Variants in VRK2 observed in about 807,000 individuals in gnomAD.
VRK2 encodes the protein serine/threonine-protein kinase VRK2.
In VRK2, 60 loss-of-function variants were observed where a neutral mutation model predicts 57.6. The ratio of observed to expected loss-of-function variants is 1.04; its 90% CI spans 0.85 to 1.29. The LOEUF (loss-of-function observed/expected upper bound fraction) is 1.29. Among genes scored for constraint, VRK2 ranks in the 50% most tolerant of loss-of-function variants. The pLI, the probability that VRK2 is intolerant of heterozygous loss-of-function variation, is 0.00. For synonymous variants in VRK2, 231 were observed against 199.2 expected (o/e 1.16, Z -1.35); for missense variants, 705 against 588.1 (o/e 1.20, Z -2.06).
intron 1 of VRK2, among the ~76,000 whole-genome samples, chr2:57,957,628 CTA>C (rs72419717): frequency 2.2e-4 from 32 of 144,888 alleles, no homozygotes; most frequent in East Asian, 5.9e-4. Context: ...ATATATATTT[CTA>C]TATATATATA....
chr2:58,158,968 C>T (rs1382997208), intron 12 of VRK2, among the ~76,000 whole-genome samples: 2 of 152,104 alleles, frequency 1.3e-5, no homozygotes, highest in Non-Finnish European at 2.9e-5. Flanking sequence ...GAAAGAATCA[C>T]ATTAATGACC....
At chr2:58,126,048 C>T (rs975506981) in intron 8 of VRK2, among the ~76,000 whole-genome samples, 1 of 151,848 alleles carries the variant, frequency 6.6e-6, no homozygotes, top group Admixed American at 6.6e-5. Context: ...TGTTTACTTT[C>T]AGTACAGCCA....
rs6708652 is a variant in VRK2, at chr2:57,928,376, C to T, written c.-439+20537C>T. On this transcript the variant is annotated intron_variant, in intron 1 of 15. Coordinates refer to the VRK2 transcript ENST00000417641. The stretch of plus-strand genomic sequence containing the variant: ...TGCATTTTCAACTCCAGAATTTCTG[C>T]TTGATTTTTTAACTATTCAATCTCT... 6.0e-3 allele frequency among the ~76,000 whole-genome samples: 905 copies of T among 152,086 alleles called. 10 individuals carry two copies. The highest frequency in any genetic ancestry group is 0.021 in the African/African-American group (852 of 41,506).
intron 1 of VRK2, among the ~76,000 whole-genome samples, chr2:57,987,874 G>GT (rs1395190055): frequency 1.3e-5 from 2 of 152,146 alleles, no homozygotes; most frequent in Admixed American, 1.3e-4. Context: ...GATGTGTCAT[G>GT]CTGAGTGTGA....
intron 2 of VRK2, among the ~76,000 whole-genome samples, chr2:58,053,901 A>G (rs1676120395): frequency 6.6e-6 from 1 of 152,156 alleles, no homozygotes; most frequent in Non-Finnish European, 1.5e-5. Flanking sequence ...AATTTGGACT[A>G]GAAACTATAG....
Position 58,048,964 on chromosome 2 carries a change from T to A in VRK2, c.133T>A (p.Leu45Ile). ...IGSGGFGLIY[L>I]AFPTNKPEKD... ...CTCTGGAGGATTTGGATTGATATATTTAGGTAAAGTAAAACCTTAAATTAA... is the reference window on the plus strand; with the variant it reads ...CTCTGGAGGATTTGGATTGATATATATAGGTAAAGTAAAACCTTAAATTAA... The change falls in exon 2 of 13, where the codon TTA becomes ATA. Residue 45 changes from leucine to isoleucine, a missense_variant. Transcript: ENST00000340157. 6.2e-7 allele frequency: 1 copy of A among 1,610,950 alleles called. No homozygotes were observed. The highest frequency in any genetic ancestry group is 8.5e-7 in the Non-Finnish European group (1 of 1,179,022).
At chr2:57,944,548 A>T (rs890947378) in intron 1 of VRK2, among the ~76,000 whole-genome samples, 2 of 152,212 alleles carry the variant, frequency 1.3e-5, no homozygotes, top group Non-Finnish European at 2.9e-5. Context: ...CATCCTGGCT[A>T]ACACGGTGAA....
At chr2:58,084,193 G>T (rs148092376) in intron 3 of VRK2, 55 bp downstream of exon 3, 2 of 1,524,316 alleles carry the variant, frequency 1.3e-6, no homozygotes, top group Non-Finnish European at 1.8e-6. Context: ...TTCCTTTTCT[G>T]CTTTAAGAAT....
chr2:57,991,372 A>G (rs1672760651), intron 1 of VRK2, among the ~76,000 whole-genome samples: 1 of 101,690 alleles, frequency 9.8e-6, no homozygotes, highest in Admixed American at 9.4e-5. Context: ...ATATTTTAGA[A>G]AAAAAAAAAG....
At chr2:57,957,519 T>C (rs566655811) in intron 1 of VRK2, among the ~76,000 whole-genome samples, 3 of 150,934 alleles carry the variant, frequency 2.0e-5, no homozygotes, top group African/African-American at 4.8e-5. Context: ...ATGTTTTTTA[T>C]CTCATTTTCA....
intron 1 of VRK2, among the ~76,000 whole-genome samples, chr2:57,961,961 C>T (rs1034587754): frequency 6.6e-6 from 1 of 152,074 alleles, no homozygotes; most frequent in African/African-American, 2.4e-5. Context: ...CCTGTAGTCC[C>T]AGCTGCTTGG....
chr2:57,922,952 A>G (rs912528685), intron 1 of VRK2, among the ~76,000 whole-genome samples: 1 of 151,914 alleles, frequency 6.6e-6, no homozygotes, highest in Non-Finnish European at 1.5e-5. Context: ...AGTTTTCACA[A>G]ATAAGTGAGA....
chr2:58,115,334 T>C (rs1357390648), intron 7 of VRK2, among the ~76,000 whole-genome samples: 2 of 152,106 alleles, frequency 1.3e-5, no homozygotes, highest in Non-Finnish European at 2.9e-5. Flanking sequence ...ACAATGGTAG[T>C]TGTGGGACTT....
intron 1 of VRK2, among the ~76,000 whole-genome samples, chr2:57,993,745 G>A (rs1360169913): frequency 1.3e-5 from 2 of 152,152 alleles, no homozygotes; most frequent in African/African-American, 4.8e-5. Context: ...CTCTTTAGGG[G>A]GCTGAGATCA....
At chr2:57,940,149 C>T (rs1300112231) in intron 1 of VRK2, among the ~76,000 whole-genome samples, 2 of 152,064 alleles carry the variant, frequency 1.3e-5, no homozygotes, top group Non-Finnish European at 2.9e-5. Flanking sequence ...GATGAATTGG[C>T]TCATATAATT....
At chr2:57,943,640 T>C (rs938675114) in intron 1 of VRK2, among the ~76,000 whole-genome samples, 1 of 152,190 alleles carries the variant, frequency 6.6e-6, no homozygotes, top group Non-Finnish European at 1.5e-5. Context: ...ATAAACTTGA[T>C]GATTTATCAC....
At chr2:58,058,389 G>A (rs1676843621) in intron 2 of VRK2, 3 of 470,324 alleles carry the variant, frequency 6.4e-6, no homozygotes, top group East Asian at 7.0e-5. Context: ...TGCTTAGTGT[G>A]GAGTAAAGGC....
intron 1 of VRK2, among the ~76,000 whole-genome samples, chr2:57,958,009 T>C (rs1217569672): frequency 6.6e-6 from 1 of 152,150 alleles, no homozygotes; most frequent in Non-Finnish European, 1.5e-5. Flanking sequence ...TCACTGACAC[T>C]GACTGTGTCC....
chr2:58,002,004 C>T (rs949404507), intron 1 of VRK2, among the ~76,000 whole-genome samples: 1 of 152,000 alleles, frequency 6.6e-6, no homozygotes, highest in Non-Finnish European at 1.5e-5. Flanking sequence ...TTACAAATTA[C>T]AAAGAATCTA....
Sources: allele counts gnomAD v4.1 joint callset (sites outside exome capture counted in the v4.1 genomes callset), GRCh38; gene constraint gnomAD v4.1.1; transcripts MANE v1.5; gene names NCBI Gene and HGNC (gene_info 2026-07-23, HGNC 2026-07-21).